Variants in CHCHD3 observed in about 807,000 individuals in gnomAD.
CHCHD3 encodes MICOS complex subunit MIC19.
Under a neutral mutation model 38.2 loss-of-function variants are expected in CHCHD3, and 20 were observed. That is an observed-to-expected ratio of 0.52 (90% CI 0.37 to 0.76). The LOEUF is 0.76. Among genes scored for constraint, CHCHD3 ranks in the 30% least tolerant of loss-of-function variants. The pLI is 0.00. For missense variants in CHCHD3, 245 were observed against 279.2 expected (o/e 0.88, Z 0.87); for synonymous variants, 82 against 100.0 (o/e 0.82, Z 1.07).
At chr7:133,081,781 T>A (rs1470299970) in intron 1 of CHCHD3, 76 bp downstream of exon 1, 21 of 1,448,914 alleles carry the variant, frequency 1.4e-5, no homozygotes, top group Non-Finnish European at 2.0e-5. Flanking sequence ...AAACCCAGGC[T>A]GAGCGGGTCC....
At chr7:132,985,040 C>G (rs1285752318) in intron 3 of CHCHD3, among the ~76,000 whole-genome samples, 1 of 98,666 alleles carries the variant, frequency 1.0e-5, no homozygotes, top group African/African-American at 3.8e-5. Context: ...GTCAGCCCCC[C>G]GCCCGGCCAG....
chr7:132,831,920 T>C (rs1257491033), intron 6 of CHCHD3, among the ~76,000 whole-genome samples: 1 of 152,210 alleles, frequency 6.6e-6, no homozygotes, highest in African/African-American at 2.4e-5. Flanking sequence ...TACACATGTG[T>C]AATTATACAG....
chr7:133,077,332 T>C (rs918227273), intron 1 of CHCHD3, among the ~76,000 whole-genome samples: 1 of 152,208 alleles, frequency 6.6e-6, no homozygotes, highest in Non-Finnish European at 1.5e-5. Flanking sequence ...TCTGATAACA[T>C]ACTCTCTTCA....
intron 3 of CHCHD3, among the ~76,000 whole-genome samples, chr7:132,997,085 C>G: frequency 1.3e-5 from 2 of 152,272 alleles, no homozygotes; most frequent in Middle Eastern, 6.8e-3. Context: ...GCTCAAATCC[C>G]ACGCAGCATG....
At chr7:132,793,784 A>G (rs1806529250) in intron 7 of CHCHD3, among the ~76,000 whole-genome samples, 1 of 152,208 alleles carries the variant, frequency 6.6e-6, no homozygotes. Flanking sequence ...GCTTGTTGTC[A>G]TGTATAGTAT....
chr7:133,070,315 C>T lies in CHCHD3; in HGVS notation c.82-86G>A, dbSNP rs907655080. On this transcript the variant is annotated intron_variant, in intron 1 of 7. Coordinates refer to ENST00000262570, the MANE Select transcript of CHCHD3 (RefSeq NM_017812.4). ...ATAACATCCAAGTAATTTAGTCATC[C>T]ATATCCATACATATGACGAATGCCC... The T allele has an allele frequency of 8.2e-6, 8 of 975,806 alleles. No homozygotes were observed. The African/African-American group carries it at 8.3e-5, about 10-fold the overall frequency. The allele number at this position is 975,806 out of a possible 1,614,324, so 60.4% of individuals were successfully genotyped here.
At chr7:132,859,319 A>T (rs1321157198) in intron 5 of CHCHD3, among the ~76,000 whole-genome samples, 1 of 152,224 alleles carries the variant, frequency 6.6e-6, no homozygotes, top group Non-Finnish European at 1.5e-5. Flanking sequence ...GCAGATCCAC[A>T]TGTCAGCTGT....
chr7:132,954,315 T>A (rs1811106633), intron 4 of CHCHD3, among the ~76,000 whole-genome samples: 1 of 152,180 alleles, frequency 6.6e-6, no homozygotes, highest in Non-Finnish European at 1.5e-5. Flanking sequence ...TTCTACTGAA[T>A]GAATCGAGGC....
intron 3 of CHCHD3, among the ~76,000 whole-genome samples, chr7:132,980,202 T>C (rs1055230963): frequency 1.3e-5 from 2 of 152,162 alleles, no homozygotes; most frequent in African/African-American, 4.8e-5. Flanking sequence ...TTGGGAACAC[T>C]TCACTAAGGA....
chr7:133,058,186 G>A (rs1814396560), intron 2 of CHCHD3, among the ~76,000 whole-genome samples: 2 of 151,554 alleles, frequency 1.3e-5, no homozygotes, highest in African/African-American at 4.8e-5. Flanking sequence ...ATTTTTTACT[G>A]TAAGTATGCA....
At chr7:132,855,807 G>T (rs1419889823) in intron 5 of CHCHD3, among the ~76,000 whole-genome samples, 3 of 146,346 alleles carry the variant, frequency 2.0e-5, no homozygotes, top group African/African-American at 7.6e-5. Flanking sequence ...CCCCTCAACT[G>T]CAGCAAAGCA....
At chr7:132,989,478 C>T (rs1251412365) in intron 3 of CHCHD3, among the ~76,000 whole-genome samples, 2 of 151,890 alleles carry the variant, frequency 1.3e-5, no homozygotes, top group Admixed American at 6.5e-5. Context: ...TCCTAACTAG[C>T]TTTCATCTCC....
chr7:132,938,678 C>T lies in CHCHD3; in HGVS notation c.369+36491G>A, dbSNP rs563110141. Among the ~76,000 whole-genome samples the T allele has an allele frequency of 4.6e-5, 7 of 152,280 alleles. No individual in the cohort carries two copies. The East Asian group carries it at 1.4e-3, about 29-fold the overall frequency. On this transcript the variant is annotated intron_variant, in intron 4 of 7. Coordinates refer to ENST00000262570, the MANE Select transcript of CHCHD3 (RefSeq NM_017812.4). The stretch of plus-strand genomic sequence containing the variant: ...GAAAGCTATCCCCATAAGCCACAGT[C>T]CAAACTGACAGCTCTCCTCCACTGG...
At chr7:133,019,856 AGAG>A (rs995385787) in intron 3 of CHCHD3, among the ~76,000 whole-genome samples, 4 of 152,216 alleles carry the variant, frequency 2.6e-5, no homozygotes, top group Non-Finnish European at 5.9e-5. Flanking sequence ...GGTAGGGCAC[AGAG>A]GAGAAGTAAA....
At chr7:132,915,316 C>T (rs909714405) in intron 4 of CHCHD3, among the ~76,000 whole-genome samples, 1 of 152,102 alleles carries the variant, frequency 6.6e-6, no homozygotes, top group African/African-American at 2.4e-5. Context: ...TTAAAACAGA[C>T]TGAGCCCAGT....
At chr7:132,804,712 C>T (rs747923193) in intron 6 of CHCHD3, among the ~76,000 whole-genome samples, 1 of 152,138 alleles carries the variant, frequency 6.6e-6, no homozygotes, top group Non-Finnish European at 1.5e-5. Context: ...TTACGTGATA[C>T]ACTTTTTTCT....
chr7:133,005,449 T>A (rs1812674499), intron 3 of CHCHD3, among the ~76,000 whole-genome samples: 1 of 152,240 alleles, frequency 6.6e-6, no homozygotes, highest in Admixed American at 6.5e-5. Context: ...TCAACATTCA[T>A]TTTGTTTAAT....
rs573301360 is a variant in CHCHD3 at position 132,951,641 on chromosome 7, C to T, written c.369+23528G>A. Among the ~76,000 whole-genome samples the T allele has an allele frequency of 3.3e-5, 5 of 152,300 alleles. No homozygotes were observed. The South Asian group carries it at 1.0e-3, about 32-fold the overall frequency. ...TGATGTTGACACAACAACAAAATTG[C>T]CTAATGATGCATTTCCCAGAACATA... On this transcript the variant is annotated intron_variant, in intron 4 of 7. Coordinates refer to ENST00000262570, the MANE Select transcript of CHCHD3 (RefSeq NM_017812.4).
intron 2 of CHCHD3, among the ~76,000 whole-genome samples, chr7:133,052,670 T>C (rs1340186746): frequency 6.6e-6 from 1 of 152,224 alleles, no homozygotes; most frequent in Non-Finnish European, 1.5e-5. Flanking sequence ...CACATTTGTA[T>C]GTATACAAAT....
Sources: allele counts gnomAD v4.1 joint callset (sites outside exome capture counted in the v4.1 genomes callset), GRCh38; gene constraint gnomAD v4.1.1; transcripts MANE v1.5; gene names NCBI Gene and HGNC (gene_info 2026-07-23, HGNC 2026-07-21).